Variants in DYNLRB2 observed in about 807,000 individuals in gnomAD.
DYNLRB2 encodes bithoraxoid-like protein.
Under a neutral mutation model 12.6 loss-of-function variants are expected in DYNLRB2, and 14 were observed. That is an observed-to-expected ratio of 1.11 (90% CI 0.73 to 1.73). The LOEUF (loss-of-function observed/expected upper bound fraction) is 1.73. Among genes scored for constraint, DYNLRB2 ranks in the 40% most tolerant of loss-of-function variants. The pLI is 0.00. For missense variants in DYNLRB2, 142 were observed against 117.7 expected (o/e 1.21, Z -0.95); for synonymous variants, 53 against 37.0 (o/e 1.43, Z -1.57).
intron 2 of DYNLRB2, among the ~76,000 whole-genome samples, chr16:80,543,554 A>T (rs1904309419): frequency 6.6e-6 from 1 of 152,246 alleles, no homozygotes; most frequent in Non-Finnish European, 1.5e-5. Context: ...CATAAATATG[A>T]ATAAGACATG....
rs1405022956 is a variant in DYNLRB2, at chr16:80,549,521, T to C, written c.117T>C (p.Thr39=). Reference sequence around the variant, plus strand: ...GAACAACCTTGGACAACTCAACAACTGTTCAATATGCAGGCCTTCTTCATC... The same window carrying C: ...GAACAACCTTGGACAACTCAACAACCGTTCAATATGCAGGCCTTCTTCATC... ...PIRTTLDNST[T]VQYAGLLHHL... Residue 39 remains threonine (T), a synonymous_variant, in exon 3 of 4, where the codon ACT becomes ACC. Coordinates refer to ENST00000305904, the MANE Select transcript of DYNLRB2 (RefSeq NM_130897.3). The C allele has an allele frequency of 1.9e-6, 3 of 1,612,334 alleles. No individual in the cohort carries two copies. The highest frequency in any genetic ancestry group is 2.5e-6 in the Non-Finnish European group (3 of 1,178,906).
At chr16:80,543,387 A>G in intron 2 of DYNLRB2, 36 bp downstream of exon 2, 1 of 1,607,300 alleles carries the variant, frequency 6.2e-7, no homozygotes, top group South Asian at 1.1e-5. Flanking sequence ...TGACACACAG[A>G]AGCCAACCAG....
At chr16:80,550,217 G>T (rs1353097004) in intron 3 of DYNLRB2, among the ~76,000 whole-genome samples, 1 of 152,154 alleles carries the variant, frequency 6.6e-6, no homozygotes. Context: ...ACTGAATAAA[G>T]TTTTTTCCTA....
At chr16:80,540,799 AC>A (rs1225384664), upstream of DYNLRB2, 1 of 705,654 alleles carries the variant, frequency 1.4e-6, no homozygotes, top group Non-Finnish European at 2.6e-6. Flanking sequence ...CGGGAGCCTG[AC>A]CCACTTCCCT....
At position 80,547,266 on chromosome 16, in the gene DYNLRB2, C is replaced by T. The variant is rs188775461; in HGVS notation, c.80-2218C>T. On this transcript the variant is annotated intron_variant, in intron 2 of 3. Coordinates refer to ENST00000305904, the MANE Select transcript of DYNLRB2 (RefSeq NM_130897.3). Reference sequence around the variant, plus strand: ...GTATCATTAAGATGAAGATTACAAACACAAACACATACATTCTTGAATAGA... The same window carrying T: ...GTATCATTAAGATGAAGATTACAAATACAAACACATACATTCTTGAATAGA... 4.1e-3 allele frequency among the ~76,000 whole-genome samples: 617 copies of T among 152,276 alleles called. 2 individuals are homozygous for T. Among genetic ancestry groups the T allele is most frequent in the African/African-American group, 0.014 (590 of 41,554 alleles).
intron 2 of DYNLRB2, chr16:80,547,926 A>G (rs933753782): frequency 2.7e-6 from 1 of 372,074 alleles, no homozygotes. Flanking sequence ...CATTCTGGAC[A>G]TAGCAGTTAT....
Position 80,550,322 on chromosome 16 carries a change from C to G in DYNLRB2, c.248-193C>G, listed in dbSNP as rs1270859958. On this transcript the variant is annotated intron_variant, in intron 3 of 3. Coordinates refer to ENST00000305904, the MANE Select transcript of DYNLRB2 (RefSeq NM_130897.3). ...GGACTGCACCCCAAACCAATGAAAT[C>G]AGAATCTCTGAGGCCCTAGGAAATG... 2.6e-5 allele frequency among the ~76,000 whole-genome samples: 4 copies of G among 152,134 alleles called. No homozygotes were observed. In the East Asian group the frequency reaches 7.7e-4, roughly 29 times the overall value.
chr16:80,549,630 C>T lies in DYNLRB2; in HGVS notation c.226C>T (p.His76Tyr), dbSNP rs1028144401. ...LTFLRIRSKK[H>Y]EIMVAPDKEY... ...TTTTCTTAGGATCAGATCAAAGAAA[C>T]ATGAAATCATGGTAGCTCCAGGTAA... is the stretch of plus-strand genomic sequence containing the variant. Residue 76 changes from histidine to tyrosine, a missense_variant, in exon 3 of 4, where the codon CAT (histidine) becomes TAT (tyrosine). Transcript: ENST00000305904. The T allele has an allele frequency of 1.2e-6, 2 of 1,602,772 alleles. No homozygotes were observed. The highest frequency in any genetic ancestry group is 1.3e-5 in the African/African-American group (1 of 74,728).
In DYNLRB2 at chr16:80,541,067, G is replaced by T. The variant is rs777231204; in HGVS notation, c.-10G>T. ...CGCCGGCCTGAGCCCAGAGTTTCGCGGCCTCCGCGATGGTAAATCTGGGGT... is the reference window on the plus strand; with the variant it reads ...CGCCGGCCTGAGCCCAGAGTTTCGCTGCCTCCGCGATGGTAAATCTGGGGT... On this transcript the variant is annotated 5_prime_UTR_variant, in exon 1 of 4. Coordinates refer to ENST00000305904, the MANE Select transcript of DYNLRB2 (RefSeq NM_130897.3). 7.1e-5 allele frequency: 114 copies of T among 1,607,864 alleles called. 1 individual carries two copies. Among genetic ancestry groups the T allele is most frequent in the Non-Finnish European group, 8.8e-5 (104 of 1,176,688 alleles).
Position 80,541,463 on chromosome 16 carries a change from G to C in DYNLRB2, c.3+384G>C, listed in dbSNP as rs550502493. The C allele has an allele frequency of 2.4e-4, 214 of 887,624 alleles. No homozygotes were observed. In the African/African-American group the frequency reaches 3.4e-3, roughly 14 times the overall value. 55.0% of individuals were successfully genotyped at this position (887,624 alleles called of 1,614,324 possible). On this transcript the variant is annotated intron_variant, in intron 1 of 3. Coordinates refer to ENST00000305904, the MANE Select transcript of DYNLRB2 (RefSeq NM_130897.3). ...AAAAAATCAGACCCTTAGAGAGAAGGAAGAGGTGGGACAGGGAAAGCAAGG... is the reference window on the plus strand; with the variant it reads ...AAAAAATCAGACCCTTAGAGAGAAGCAAGAGGTGGGACAGGGAAAGCAAGG...
intron 2 of DYNLRB2, chr16:80,547,962 C>T (rs1266312628): frequency 3.1e-6 from 1 of 326,868 alleles, no homozygotes; most frequent in Non-Finnish European, 6.0e-6. Flanking sequence ...AATCAGTCTT[C>T]AAAGTCAAAA....
chr16:80,549,478 T>C lies in DYNLRB2; in HGVS notation c.80-6T>C, dbSNP rs1218455469. The C allele has an allele frequency of 3.8e-6, 6 of 1,577,630 alleles. No individual in the cohort carries two copies. The highest frequency in any genetic ancestry group is 4.3e-6 in the Non-Finnish European group (5 of 1,158,154). ...AAATATTAACCAAAATTAAATTTCA[T>C]AATAGGTATTCCCATCCGAACAACC... On this transcript the variant is annotated splice_region_variant and splice_polypyrimidine_tract_variant and intron_variant, in intron 2 of 3. Coordinates refer to ENST00000305904, the MANE Select transcript of DYNLRB2 (RefSeq NM_130897.3).
At chr16:80,549,018 G>C (rs1318971980) in intron 2 of DYNLRB2, 1 of 455,792 alleles carries the variant, frequency 2.2e-6, no homozygotes, top group Admixed American at 2.4e-5. Flanking sequence ...TCAGGGGAGT[G>C]CATTTCATAT....
At chr16:80,548,155 G>C (rs1904598619) in intron 2 of DYNLRB2, 1 of 161,586 alleles carries the variant, frequency 6.2e-6, no homozygotes, top group Non-Finnish European at 1.4e-5. Context: ...GAATTTGATA[G>C]CAATTCCAAA....
intron 2 of DYNLRB2, 129 bp from the exon 3 acceptor site, chr16:80,549,355 T>C: frequency 1.1e-6 from 1 of 921,430 alleles, no homozygotes; most frequent in Non-Finnish European, 1.5e-6. Context: ...CTAAAATTGT[T>C]ACCAGAGAGG....
upstream of DYNLRB2, chr16:80,540,916 C>A (rs1597085771): frequency 1.5e-6 from 2 of 1,316,602 alleles, no homozygotes; most frequent in Non-Finnish European, 1.1e-6. Flanking sequence ...GCATCAGGAG[C>A]GCGGTCAGGG....
At chr16:80,541,888 G>A (rs1405636904) in intron 1 of DYNLRB2, among the ~76,000 whole-genome samples, 1 of 152,212 alleles carries the variant, frequency 6.6e-6, no homozygotes, top group Non-Finnish European at 1.5e-5. Context: ...TTACGGTTTA[G>A]TGTAGTGTTT....
chr16:80,544,760 CTG>C (rs1340317463), intron 2 of DYNLRB2: 1 of 150,886 alleles, frequency 6.6e-6, no homozygotes, highest in African/African-American at 2.4e-5. Flanking sequence ...TCTGAAGACT[CTG>C]TGGGAGGACC....
intron 2 of DYNLRB2, 26 bp from the exon 3 acceptor site, chr16:80,549,458 T>C (rs753869122): frequency 1.3e-6 from 2 of 1,553,612 alleles, no homozygotes; most frequent in South Asian, 2.5e-5. Flanking sequence ...AGAAAAAATA[T>C]TAACCAAAAT....
Sources: allele counts gnomAD v4.1 joint callset (sites outside exome capture counted in the v4.1 genomes callset), GRCh38; gene constraint gnomAD v4.1.1; transcripts MANE v1.5; gene names NCBI Gene and HGNC (gene_info 2026-07-23, HGNC 2026-07-21).